The following FNBP1L variants were observed in gnomAD, a reference collection of about 807,000 sequenced individuals.
The protein encoded by FNBP1L is formin-binding protein 1-like.
A neutral mutation model predicts 91.2 loss-of-function variants in FNBP1L; 36 were observed. That is an observed-to-expected ratio of 0.39 (90% CI 0.30 to 0.52). FNBP1L has a LOEUF of 0.52. FNBP1L is among the 20% of genes least tolerant of loss of function. The pLI is 0.66. For synonymous variants in FNBP1L, 242 were observed against 237.0 expected (o/e 1.02, Z -0.19); for missense variants, 571 against 732.1 (o/e 0.78, Z 2.54).
chr1:93,468,804 A>T (rs748946454), intron 1 of FNBP1L, among the ~76,000 whole-genome samples: 1 of 152,178 alleles, frequency 6.6e-6, no homozygotes, highest in African/African-American at 2.4e-5. Context: ...TTGTTGAGTC[A>T]TATGGTAACT....
At chr1:93,455,632 G>A (rs1410279836) in intron 1 of FNBP1L, among the ~76,000 whole-genome samples, 1 of 152,200 alleles carries the variant, frequency 6.6e-6, no homozygotes, top group Non-Finnish European at 1.5e-5. Flanking sequence ...GAAAAATGCA[G>A]TTAGTTTAGA....
At chr1:93,488,869 A>G (rs1670003022) in intron 1 of FNBP1L, among the ~76,000 whole-genome samples, 1 of 152,232 alleles carries the variant, frequency 6.6e-6, no homozygotes, top group Non-Finnish European at 1.5e-5. Context: ...TAAAAAATAG[A>G]GTTGGTGAAC....
At chr1:93,516,241 A>G (rs1443584120) in intron 2 of FNBP1L, among the ~76,000 whole-genome samples, 3 of 152,188 alleles carry the variant, frequency 2.0e-5, no homozygotes, top group African/African-American at 7.2e-5. Flanking sequence ...GGCTGGCAGT[A>G]TCTACTTTAA....
intron 1 of FNBP1L, among the ~76,000 whole-genome samples, chr1:93,498,354 A>G (rs1032536754): frequency 3.3e-5 from 5 of 152,266 alleles, no homozygotes; most frequent in African/African-American, 1.2e-4. Context: ...ACAGTAGTTT[A>G]TATTATGCAG....
chr1:93,484,184 C>T (rs755422296), intron 1 of FNBP1L, among the ~76,000 whole-genome samples: 1 of 152,220 alleles, frequency 6.6e-6, no homozygotes, highest in African/African-American at 2.4e-5. Context: ...GCCTTGGCCT[C>T]CCAAAGTGCT....
intron 1 of FNBP1L, among the ~76,000 whole-genome samples, chr1:93,490,051 T>G (rs1407844935): frequency 6.6e-6 from 1 of 152,188 alleles, no homozygotes; most frequent in Non-Finnish European, 1.5e-5. Flanking sequence ...TGACACTTGG[T>G]TTTTTACCAA....
intron 2 of FNBP1L, among the ~76,000 whole-genome samples, chr1:93,512,397 G>A (rs1051027881): frequency 2.0e-5 from 3 of 151,414 alleles, no homozygotes; most frequent in African/African-American, 4.9e-5. Flanking sequence ...CCCAGGAATT[G>A]AACTCAGCTC....
intron 7 of FNBP1L, 74 bp from the exon 8 acceptor site, chr1:93,532,848 G>A: frequency 9.3e-7 from 1 of 1,077,268 alleles, no homozygotes; most frequent in Non-Finnish European, 1.3e-6. Flanking sequence ...TTTGATGGGG[G>A]ATCACTAATT....
intron 1 of FNBP1L, among the ~76,000 whole-genome samples, chr1:93,482,476 G>T (rs114730474): frequency 0.018 from 2,736 of 152,188 alleles, 53 homozygotes; most frequent in Middle Eastern, 0.048. Context: ...GCAGTATAAG[G>T]TTCGCTCTAG....
chr1:93,527,093 A>G (rs957589239), intron 5 of FNBP1L, among the ~76,000 whole-genome samples: 4 of 152,176 alleles, frequency 2.6e-5, no homozygotes, highest in African/African-American at 4.8e-5. Context: ...GTACAAAATA[A>G]AGCCTACATT....
chr1:93,511,559 A>G (rs906361452), intron 2 of FNBP1L, among the ~76,000 whole-genome samples: 6 of 152,236 alleles, frequency 3.9e-5, no homozygotes, highest in African/African-American at 1.4e-4. Context: ...AATGAGCAAA[A>G]TAACCAGCTA....
At chr1:93,527,683 G>GTA (rs1187453531) in intron 5 of FNBP1L, among the ~76,000 whole-genome samples, 3 of 151,978 alleles carry the variant, frequency 2.0e-5, no homozygotes, top group Non-Finnish European at 4.4e-5. Context: ...ATCATAATCC[G>GTA]TAAAGCCCGA....
chr1:93,545,709 A>G (rs1672199709), intron 12 of FNBP1L, among the ~76,000 whole-genome samples: 1 of 152,104 alleles, frequency 6.6e-6, no homozygotes, highest in African/African-American at 2.4e-5. Context: ...TTAACAATCC[A>G]GGTGAGAGAT....
Position 93,553,417 on chromosome 1 carries a change from G to GCCT in FNBP1L, c.*1003_*1005dup, listed in dbSNP as rs1398116625. 6.6e-6 allele frequency: 1 copy of GCCT among 152,668 alleles called. No homozygotes were observed. Among genetic ancestry groups the GCCT allele is most frequent in the African/African-American group, 2.4e-5 (1 of 41,466 alleles). The allele number at this position is 152,668 out of a possible 1,614,324, so 9.5% of individuals were successfully genotyped here. On this transcript the variant is annotated 3_prime_UTR_variant, in exon 17 of 17. Transcript: ENST00000271234. ...CAGCACCGCTGCAGCTGCCGATGTA[G>GCCT]CCTCGGTAGGTGGCTATTAGAGCTC...
At chr1:93,533,918 G>A (rs1490928238) in intron 8 of FNBP1L, among the ~76,000 whole-genome samples, 1 of 152,170 alleles carries the variant, frequency 6.6e-6, no homozygotes, top group South Asian at 2.1e-4. Flanking sequence ...GATGACTTTT[G>A]ACTAAATGAA....
At chr1:93,530,440 T>G (rs1399692134) in intron 6 of FNBP1L, among the ~76,000 whole-genome samples, 1 of 152,174 alleles carries the variant, frequency 6.6e-6, no homozygotes, top group Non-Finnish European at 1.5e-5. Context: ...TTCATTTGTT[T>G]GTTTTTTTAT....
Position 93,551,101 on chromosome 1 carries a change from T to G in FNBP1L, c.1806T>G (p.Ser602Arg). The G allele has an allele frequency of 6.2e-7, 1 of 1,605,894 alleles. No individual in the cohort carries two copies. Among genetic ancestry groups the G allele is most frequent in the Non-Finnish European group, 8.5e-7 (1 of 1,175,684 alleles). The change falls in exon 16 of 17, where the codon AGT becomes AGG. Residue 602 changes from serine (S) to arginine (R), a missense_variant. Ser to Arg is a moderately radical substitution (Grantham distance 110, BLOSUM62 -1). Around this residue, in one of 5 missense-constraint regions of FNBP1L, gnomAD observed 189 missense variants for 219.7 expected, o/e 0.86. Coordinates refer to ENST00000271234, the MANE Select transcript of FNBP1L (RefSeq NM_001164473.3). ...TAGATGTAACTCTAGAGAAAAACAG[T>G]AAAGGTGCAGTAACTTATATCTAAA... ...SYIDVTLEKN[S>R]KGS
At chr1:93,519,900 C>G (rs529143957) in intron 2 of FNBP1L, among the ~76,000 whole-genome samples, 1 of 152,284 alleles carries the variant, frequency 6.6e-6, no homozygotes, top group South Asian at 2.1e-4. Context: ...CTACAGTGAG[C>G]TATGGTTGCA....
intron 5 of FNBP1L, 125 bp downstream of exon 5, chr1:93,524,448 G>C: frequency 1.6e-6 from 1 of 626,936 alleles, no homozygotes; most frequent in South Asian, 4.9e-5. Flanking sequence ...TTTGACATTG[G>C]TATTATTGTA....
Sources: allele counts gnomAD v4.1 joint callset (sites outside exome capture counted in the v4.1 genomes callset), GRCh38; gene constraint gnomAD v4.1.1; regional missense constraint gnomAD v4.1.1; transcripts MANE v1.5; gene names NCBI Gene and HGNC (gene_info 2026-07-23, HGNC 2026-07-21).